Variants in KCNMB4 observed in about 807,000 individuals in gnomAD.
KCNMB4 encodes the protein potassium calcium-activated channel subfamily M regulatory beta subunit 4, also known as calcium-activated potassium channel subunit beta-4.
Under a neutral mutation model 20.7 loss-of-function variants are expected in KCNMB4, and 3 were observed. The observed-to-expected ratio is 0.14, with a 90% CI of 0.07 to 0.37. The LOEUF is 0.37. Ranked by LOEUF, KCNMB4 falls within the 10% of genes least tolerant of loss-of-function variation. KCNMB4 has a pLI of 1.00. For synonymous variants in KCNMB4, 110 were observed against 113.4 expected, an observed-to-expected ratio of 0.97 and a Z score of 0.19; for missense variants, 168 against 265.9, an observed-to-expected ratio of 0.63 and a Z score of 2.56.
At position 70,366,856 on chromosome 12, in the gene KCNMB4, G is replaced by T. The variant is rs1416385944; in HGVS notation, c.122G>T (p.Ser41Ile). 1 of 1,612,934 alleles carries T rather than the reference G, an allele frequency of 6.2e-7. No individual in the cohort carries two copies. Among genetic ancestry groups the T allele is most frequent in the Admixed American group, 1.7e-5 (1 of 59,996 alleles). ...TTCATCTTCGGCTTCTGCTGGCTGA[G>T]TCCCGCGCTGCAGGATCTGCAAGCC... ...SLFIFGFCWL[S>I]PALQDLQATE... is the part of the protein sequence containing the mutation. Residue 41 changes from serine (S) to isoleucine (I), a missense_variant, in exon 1 of 3, where the codon AGT becomes ATT. By Grantham distance (142) the Ser-to-Ile change is moderately radical. Transcript: ENST00000258111.
chr12:70,419,348 G>A (rs574428172), intron 2 of KCNMB4, among the ~76,000 whole-genome samples: 1 of 152,128 alleles, frequency 6.6e-6, no homozygotes, highest in African/African-American at 2.4e-5. Context: ...TAATAATACA[G>A]TATTGCTCTT....
intron 1 of KCNMB4, among the ~76,000 whole-genome samples, chr12:70,370,685 A>T (rs1883577009): frequency 6.6e-6 from 1 of 152,022 alleles, no homozygotes; most frequent in East Asian, 1.9e-4. Flanking sequence ...ATTATTATGT[A>T]AATAATAGTT....
chr12:70,411,931 A>G (rs1868790273), intron 2 of KCNMB4, among the ~76,000 whole-genome samples: 1 of 152,176 alleles, frequency 6.6e-6, no homozygotes, highest in African/African-American at 2.4e-5. Flanking sequence ...TAGTGGCAGC[A>G]TGGAGGGTAG....
intron 2 of KCNMB4, among the ~76,000 whole-genome samples, chr12:70,403,205 A>ATTTTATTTTATTTTG (rs1245511565): frequency 6.6e-6 from 1 of 151,558 alleles, no homozygotes; most frequent in Non-Finnish European, 1.5e-5. Context: ...ATTTTATTTT[A>ATTTTATTTTATTTTG]TTTTATTTTA....
intron 2 of KCNMB4, among the ~76,000 whole-genome samples, chr12:70,404,891 G>C (rs1469874557): frequency 1.3e-5 from 2 of 152,204 alleles, no homozygotes; most frequent in East Asian, 3.8e-4. Context: ...CGCACAAGCT[G>C]TAGTTGAAGC....
chr12:70,385,263 T>A (rs977670657), intron 1 of KCNMB4, among the ~76,000 whole-genome samples: 1 of 152,162 alleles, frequency 6.6e-6, no homozygotes, highest in Non-Finnish European at 1.5e-5. Context: ...AAACCCCTCC[T>A]GGGTTGGAGC....
rs574003863 is a variant in KCNMB4 at position 70,431,347 on chromosome 12, A to T, written c.*694A>T. On this transcript the variant is annotated 3_prime_UTR_variant, in exon 3 of 3. Coordinates refer to ENST00000258111, the MANE Select transcript of KCNMB4 (RefSeq NM_014505.6). ...TTATTTTTCACCAGATTACTTCTTA[A>T]GAGAGGGAGGTGATTCTGAAGAAGG... The T allele has an allele frequency of 7.2e-5, 11 of 152,182 alleles. No individual in the cohort carries two copies. The highest frequency in any genetic ancestry group is 1.5e-4 in the Non-Finnish European group (10 of 68,032). The allele number at this position is 152,182 out of a possible 1,614,324, so 9.4% of individuals were successfully genotyped here. A position where few individuals can be genotyped will look rare whatever the true frequency, so the allele number is the denominator to read the frequency against.
intron 1 of KCNMB4, among the ~76,000 whole-genome samples, chr12:70,375,925 ATC>A (rs1883677135): frequency 6.6e-6 from 1 of 152,118 alleles, no homozygotes. Flanking sequence ...TGATTTTGGT[ATC>A]ATAGTAATAG....
intron 2 of KCNMB4, among the ~76,000 whole-genome samples, chr12:70,404,194 T>C (rs1426306503): frequency 6.6e-6 from 1 of 152,132 alleles, no homozygotes; most frequent in Non-Finnish European, 1.5e-5. Context: ...GGGTCATTAG[T>C]GTCAAACTAA....
intron 1 of KCNMB4, among the ~76,000 whole-genome samples, chr12:70,371,335 G>A (rs895983902): frequency 2.0e-5 from 3 of 152,202 alleles, no homozygotes; most frequent in African/African-American, 7.2e-5. Flanking sequence ...GTTTGCTGAA[G>A]TTGGATGTAC....
intron 2 of KCNMB4, among the ~76,000 whole-genome samples, chr12:70,402,674 A>G (rs1593337357): frequency 6.6e-6 from 1 of 150,780 alleles, no homozygotes; most frequent in Admixed American, 6.6e-5. Flanking sequence ...AAAAAAAAAA[A>G]AGGAAGAAAG....
chr12:70,429,945 T>C (rs1056571632), intron 2 of KCNMB4, among the ~76,000 whole-genome samples: 3 of 152,020 alleles, frequency 2.0e-5, no homozygotes, highest in Admixed American at 6.5e-5. Context: ...TGCTTATTAA[T>C]AAAAACCTGT....
At chr12:70,416,755 A>G (rs1868923750) in intron 2 of KCNMB4, among the ~76,000 whole-genome samples, 1 of 152,182 alleles carries the variant, frequency 6.6e-6, no homozygotes, top group South Asian at 2.1e-4. Context: ...ATGTATAGTA[A>G]AGTATTCTTT....
chr12:70,373,177 C>T (rs940277943), intron 1 of KCNMB4, among the ~76,000 whole-genome samples: 1 of 152,128 alleles, frequency 6.6e-6, no homozygotes, highest in Non-Finnish European at 1.5e-5. Flanking sequence ...TGTCTCCCTT[C>T]CACGATGTCC....
intron 1 of KCNMB4, among the ~76,000 whole-genome samples, chr12:70,386,533 TAAG>T (rs1290768638): frequency 6.6e-6 from 1 of 151,266 alleles, no homozygotes; most frequent in Non-Finnish European, 1.5e-5. Flanking sequence ...TAAATTAAAA[TAAG>T]AAGCTCCATG....
intron 1 of KCNMB4, among the ~76,000 whole-genome samples, chr12:70,396,678 C>T (rs751009501): frequency 1.4e-4 from 22 of 152,150 alleles, no homozygotes; most frequent in Admixed American, 4.6e-4. Context: ...AATATTTGCT[C>T]GTTTGAATTA....
At chr12:70,426,033 G>A (rs902087017) in intron 2 of KCNMB4, among the ~76,000 whole-genome samples, 2 of 152,096 alleles carry the variant, frequency 1.3e-5, no homozygotes, top group African/African-American at 4.8e-5. Flanking sequence ...GGTGGCTCAC[G>A]TCTGTAATCC....
intron 1 of KCNMB4, among the ~76,000 whole-genome samples, chr12:70,388,944 A>G (rs10784840): frequency 0.23 from 35,177 of 150,848 alleles, 4,562 homozygotes; most frequent in East Asian, 0.51. Context: ...ACCCAGAGAT[A>G]ACTGGTTTTA....
At chr12:70,407,822 G>A (rs1041013229) in intron 2 of KCNMB4, among the ~76,000 whole-genome samples, 26 of 151,944 alleles carry the variant, frequency 1.7e-4, no homozygotes, top group Admixed American at 6.6e-4. Context: ...TCTGACAACC[G>A]GTCCCCATCC....
Sources: allele counts gnomAD v4.1 joint callset (sites outside exome capture counted in the v4.1 genomes callset), GRCh38; gene constraint gnomAD v4.1.1; transcripts MANE v1.5; gene names NCBI Gene and HGNC (gene_info 2026-07-23, HGNC 2026-07-21).